Variants in DCC observed in about 807,000 individuals in gnomAD.
The protein encoded by DCC is DCC netrin 1 receptor.
Under a neutral mutation model 172.5 loss-of-function variants are expected in DCC, and 58 were observed. The ratio of observed to expected loss-of-function variants is 0.34; its 90% confidence interval spans 0.27 to 0.42. The LOEUF is 0.42. Ranked by LOEUF, DCC falls within the 10% of genes least tolerant of loss-of-function variation. The pLI, the probability that DCC is intolerant of heterozygous loss-of-function variation, is 1.00. For synonymous variants in DCC, 709 were observed against 644.5 expected (o/e 1.10, Z -1.52); for missense variants, 1,740 against 1,791.0 (o/e 0.97, Z 0.51).
chr18:52,611,282 G>C (rs1399154825), intron 1 of DCC, among the ~76,000 whole-genome samples: 4 of 152,106 alleles, frequency 2.6e-5, no homozygotes, highest in African/African-American at 9.6e-5. Context: ...TAGTTCTTAG[G>C]AGTTCATCAA....
intron 1 of DCC, among the ~76,000 whole-genome samples, chr18:52,711,921 G>A (rs1018792089): frequency 1.3e-5 from 2 of 151,988 alleles, no homozygotes; most frequent in Non-Finnish European, 2.9e-5. Flanking sequence ...TGACTGCTCT[G>A]CTCAGTGGAC....
At chr18:52,628,033 T>C (rs2034605376) in intron 1 of DCC, among the ~76,000 whole-genome samples, 1 of 152,226 alleles carries the variant, frequency 6.6e-6, no homozygotes, top group Admixed American at 6.5e-5. Context: ...AAGTATTTGA[T>C]GTGCTTTTAT....
At chr18:52,484,267 G>A (rs867643266) in intron 1 of DCC, among the ~76,000 whole-genome samples, 3 of 152,068 alleles carry the variant, frequency 2.0e-5, no homozygotes, top group African/African-American at 4.8e-5. Context: ...GTACAGTAGA[G>A]CTTTGTCTGA....
Position 53,036,468 on chromosome 18 carries a change from C to T in DCC, c.986-26837C>T, listed in dbSNP as rs567461233. Among the ~76,000 whole-genome samples, 51 of 152,106 alleles carry T rather than the reference C, an allele frequency of 3.4e-4. 1 individual carries two copies. The highest frequency in any genetic ancestry group is 1.7e-3 in the South Asian group (8 of 4,814). ...CATTAATTCACCTCTTGTTTATGAG[C>T]CACACCTATGTATATCTGATTTTGC... is the stretch of plus-strand genomic sequence containing the variant. On this transcript the variant is annotated intron_variant, in intron 5 of 28. Transcript: ENST00000442544.
chr18:52,842,984 G>T (rs1463012255), intron 2 of DCC, among the ~76,000 whole-genome samples: 1 of 152,132 alleles, frequency 6.6e-6, no homozygotes, highest in Non-Finnish European at 1.5e-5. Context: ...TACTAATTTA[G>T]GTGCTTTTTA....
chr18:53,171,393 A>G (rs2055011614), intron 8 of DCC, among the ~76,000 whole-genome samples: 1 of 152,220 alleles, frequency 6.6e-6, no homozygotes, highest in Admixed American at 6.5e-5. Context: ...CATAGCAAGC[A>G]CAATGCATTT....
chr18:52,398,680 C>A (rs146780312), intron 1 of DCC, among the ~76,000 whole-genome samples: 1 of 151,970 alleles, frequency 6.6e-6, no homozygotes, highest in Admixed American at 6.6e-5. Context: ...CATACATACA[C>A]GTGCCATAAA....
intron 2 of DCC, among the ~76,000 whole-genome samples, chr18:52,868,888 G>GT (rs1330951297): frequency 6.6e-6 from 1 of 152,200 alleles, no homozygotes; most frequent in African/African-American, 2.4e-5. Context: ...GAAGCTCCAG[G>GT]TGCCAGCATG....
chr18:52,962,398 CA>C (rs1268530920), intron 5 of DCC, among the ~76,000 whole-genome samples: 1 of 149,548 alleles, frequency 6.7e-6, no homozygotes, highest in East Asian at 2.0e-4. Context: ...ATCAAAACCA[CA>C]ATGAGATACC....
At chr18:52,479,483 G>A (rs956398898) in intron 1 of DCC, among the ~76,000 whole-genome samples, 5 of 151,566 alleles carry the variant, frequency 3.3e-5, no homozygotes, top group African/African-American at 1.2e-4. Flanking sequence ...AAAGCTACTA[G>A]GACATCTACA....
chr18:52,484,580 C>G (rs1207552656), intron 1 of DCC, among the ~76,000 whole-genome samples: 2 of 152,048 alleles, frequency 1.3e-5, no homozygotes, highest in Non-Finnish European at 2.9e-5. Context: ...AGTAATTTAG[C>G]TCCTCTAGGT....
intron 2 of DCC, among the ~76,000 whole-genome samples, chr18:52,879,492 C>A (rs549511903): frequency 3.6e-5 from 5 of 137,810 alleles, no homozygotes; most frequent in South Asian, 4.7e-4. Flanking sequence ...GGCACGATCT[C>A]GGCTCACTGC....
intron 12 of DCC, among the ~76,000 whole-genome samples, chr18:53,240,847 C>T (rs2056281609): frequency 6.6e-6 from 1 of 152,118 alleles, no homozygotes; most frequent in South Asian, 2.1e-4. Context: ...TTTAGTTGAT[C>T]CATTTTTCAG....
intron 12 of DCC, among the ~76,000 whole-genome samples, chr18:53,268,521 C>G (rs971385418): frequency 1.3e-5 from 2 of 152,126 alleles, no homozygotes; most frequent in Admixed American, 1.3e-4. Context: ...ATAAGCTTCT[C>G]TCAAGAATGT....
intron 2 of DCC, among the ~76,000 whole-genome samples, chr18:52,855,752 G>A (rs925785153): frequency 9.4e-5 from 14 of 148,842 alleles, no homozygotes; most frequent in Admixed American, 8.9e-4. Flanking sequence ...TAAAACATTA[G>A]CGTATAAATT....
chr18:52,627,242 A>G (rs1377754663), intron 1 of DCC, among the ~76,000 whole-genome samples: 3 of 152,156 alleles, frequency 2.0e-5, no homozygotes, highest in Admixed American at 6.5e-5. Flanking sequence ...ACTATTGATC[A>G]TCTCCTCCCT....
chr18:53,466,478 C>T (rs531047252), intron 24 of DCC, among the ~76,000 whole-genome samples: 1 of 152,260 alleles, frequency 6.6e-6, no homozygotes, highest in African/African-American at 2.4e-5. Context: ...AATGTATCCT[C>T]TTTTCTGTTT....
At chr18:52,548,236 C>T (rs974971878) in intron 1 of DCC, among the ~76,000 whole-genome samples, 1 of 152,116 alleles carries the variant, frequency 6.6e-6, no homozygotes, top group African/African-American at 2.4e-5. Flanking sequence ...GCAGGCAACA[C>T]TTTCTTAACC....
At chr18:53,519,747 T>G (rs946162931) in intron 27 of DCC, among the ~76,000 whole-genome samples, 1 of 146,928 alleles carries the variant, frequency 6.8e-6, no homozygotes, top group Non-Finnish European at 1.5e-5. Flanking sequence ...GTGTTAAGTG[T>G]TGTTCTCCAA....
Sources: allele counts gnomAD v4.1 joint callset (sites outside exome capture counted in the v4.1 genomes callset), GRCh38; gene constraint gnomAD v4.1.1; transcripts MANE v1.5; gene names NCBI Gene and HGNC (gene_info 2026-07-23, HGNC 2026-07-21).